RNF8: variants seen among roughly 807,000 people sequenced by gnomAD.
The protein encoded by RNF8 is E3 ubiquitin-protein ligase RNF8.
RNF8 carries 8 observed loss-of-function variants against 59.3 expected under a neutral mutation model. The observed-to-expected ratio is 0.13, with a 90% CI of 0.08 to 0.24. The LOEUF (loss-of-function observed/expected upper bound fraction) is 0.24. Ranked by LOEUF, RNF8 falls within the 10% of genes least tolerant of loss-of-function variation. The pLI, the probability that RNF8 is intolerant of heterozygous loss-of-function variation, is 1.00. For missense variants in RNF8, 406 were observed against 572.6 expected (o/e 0.71, Z 2.97); for synonymous variants, 162 against 200.0 (o/e 0.81, Z 1.60).
At chr6:37,389,944 G>A (rs1267934392) in intron 7 of RNF8, among the ~76,000 whole-genome samples, 2 of 152,218 alleles carry the variant, frequency 1.3e-5, no homozygotes, top group Admixed American at 1.3e-4. Flanking sequence ...AAGCATTCCA[G>A]AATTCAGTCT....
chr6:37,365,271 C>A (rs140892828), intron 2 of RNF8, among the ~76,000 whole-genome samples: 3 of 152,146 alleles, frequency 2.0e-5, no homozygotes, highest in Non-Finnish European at 4.4e-5. Context: ...TAATAAGATT[C>A]CATTTGTATT....
At chr6:37,384,434 G>A (rs1015286384) in intron 7 of RNF8, among the ~76,000 whole-genome samples, 5 of 152,162 alleles carry the variant, frequency 3.3e-5, no homozygotes, top group African/African-American at 7.2e-5. Context: ...GAGCCACTGC[G>A]CCTGGCCCCT....
chr6:37,360,695 C>CA lies in RNF8; in HGVS notation c.240+122dup. On this transcript the variant is annotated intron_variant, in intron 2 of 7. Transcript: ENST00000373479. The surrounding 1 kb of genome is among the most constrained non-coding windows in gnomAD (Gnocchi z 4.2). ...TATAACTTCTTCTTTCCTAGCCATC[C>CA]AGTTCCCTTTTCCAGAGGCAGCCAC... 1.0e-6 allele frequency: 1 copy of CA among 1,004,854 alleles called. No individual in the cohort carries two copies. The highest frequency in any genetic ancestry group is 1.8e-5 in the South Asian group (1 of 54,482). The allele number at this position is 1,004,854 out of a possible 1,614,324, so 62.2% of individuals were successfully genotyped here. A position where few individuals can be genotyped will look rare whatever the true frequency, so the allele number is the denominator to read the frequency against.
intron 1 of RNF8, among the ~76,000 whole-genome samples, chr6:37,355,458 G>A (rs919370492): frequency 3.9e-5 from 6 of 152,104 alleles, no homozygotes; most frequent in African/African-American, 1.4e-4. Context: ...AAATTTCTGC[G>A]CTCGAAGAGT....
chr6:37,386,165 C>A (rs1057274450), intron 7 of RNF8, among the ~76,000 whole-genome samples: 5 of 146,918 alleles, frequency 3.4e-5, no homozygotes, highest in Admixed American at 2.0e-4. Context: ...CTCTTATTGG[C>A]ACCTCAGAAT....
intron 3 of RNF8, chr6:37,370,288 G>A (rs1769750766): frequency 6.6e-6 from 1 of 152,180 alleles, no homozygotes; most frequent in South Asian, 2.1e-4. Flanking sequence ...AGTATACACT[G>A]CTTACTTATG....
chr6:37,376,985 G>A lies in RNF8; in HGVS notation c.1188G>A (p.Val396=). 1 of 1,607,772 alleles carries A rather than the reference G, an allele frequency of 6.2e-7. No individual in the cohort carries two copies. Among genetic ancestry groups the A allele is most frequent in the Non-Finnish European group, 8.5e-7 (1 of 1,176,128 alleles). ...AAGTTCTTAGCCACATGAATGATGT[G>A]CTAGAGAATGAGCTCCAATGTATTA... is the stretch of plus-strand genomic sequence containing the variant. ...KEEVLSHMND[V]LENELQCIIC... Residue 396 remains valine (V), a synonymous_variant, in exon 6 of 8, where the codon GTG becomes GTA. Coordinates refer to ENST00000373479, the MANE Select transcript of RNF8 (RefSeq NM_003958.4).
chr6:37,376,885 G>A (rs1178053113), intron 5 of RNF8, 41 bp from the exon 6 acceptor site: 1 of 1,455,180 alleles, frequency 6.9e-7, no homozygotes, highest in African/African-American at 1.4e-5. Flanking sequence ...TTGCATTTTT[G>A]TTGGTTCTCT....
In RNF8 at chr6:37,372,796, C is replaced by T. The variant is rs189913384; in HGVS notation, c.1038+1222C>T. Among the ~76,000 whole-genome samples, 7 of 152,270 alleles carry T rather than the reference C, an allele frequency of 4.6e-5. No individual in the cohort carries two copies. In the East Asian group the frequency reaches 1.4e-3, roughly 29 times the overall value. The stretch of plus-strand genomic sequence containing the variant: ...ACCAGCCTGACCAACATGGAGAAAC[C>T]CTGTCTCTACTAAAAATACAAAATT... On this transcript the variant is annotated intron_variant, in intron 4 of 7. Transcript: ENST00000373479.
At chr6:37,368,249 G>A in intron 2 of RNF8, 1 of 781,974 alleles carries the variant, frequency 1.3e-6, no homozygotes, top group Non-Finnish European at 2.0e-6. Context: ...GGTGATTCCT[G>A]CCTGTTATAT....
chr6:37,380,620 G>A (rs1240736670), intron 6 of RNF8, among the ~76,000 whole-genome samples: 3 of 149,794 alleles, frequency 2.0e-5, no homozygotes, highest in Non-Finnish European at 4.4e-5. Flanking sequence ...GCAGTGAGCC[G>A]AGATCGCGCC....
chr6:37,370,777 G>T (rs1464053718), intron 3 of RNF8, among the ~76,000 whole-genome samples: 1 of 151,342 alleles, frequency 6.6e-6, no homozygotes, highest in Non-Finnish European at 1.5e-5. Context: ...TTACCAAATG[G>T]TTTTTGCCAT....
chr6:37,375,083 T>C (rs77521803), intron 5 of RNF8, among the ~76,000 whole-genome samples: 1,588 of 152,342 alleles, frequency 0.01, 11 homozygotes, highest in Non-Finnish European at 0.017. Context: ...TTAATGCAGT[T>C]TCTTCCCATG....
rs571687454 is a variant in RNF8 at position 37,390,949 on chromosome 6, G to A, written c.*191G>A. The A allele has an allele frequency of 2.1e-5, 18 of 857,528 alleles. No individual in the cohort carries two copies. The South Asian group carries it at 2.3e-4, about 11-fold the overall frequency. The allele number at this position is 857,528 out of a possible 1,614,324, so 53.1% of individuals were successfully genotyped here. A position where few individuals can be genotyped will look rare whatever the true frequency, so the allele number is the denominator to read the frequency against. On this transcript the variant is annotated 3_prime_UTR_variant, in exon 8 of 8. Transcript: ENST00000373479. ...GCCAGCCCTGCTGCCATCATTGGCT[G>A]AAGCACCACCAGGATTCACGGCACC...
At chr6:37,381,460 C>G in intron 7 of RNF8, 106 bp downstream of exon 7, 1 of 961,526 alleles carries the variant, frequency 1.0e-6, no homozygotes, top group East Asian at 2.5e-5. Flanking sequence ...AATTCTTGAA[C>G]TAGGGAAGAG....
At chr6:37,386,694 T>A (rs1313407603) in intron 7 of RNF8, among the ~76,000 whole-genome samples, 10 of 152,128 alleles carry the variant, frequency 6.6e-5, no homozygotes, top group Non-Finnish European at 1.3e-4. Context: ...CTGGCCATGG[T>A]GGGATCCCAT....
intron 2 of RNF8, among the ~76,000 whole-genome samples, chr6:37,363,227 C>G (rs1367166798): frequency 1.3e-5 from 2 of 152,166 alleles, no homozygotes; most frequent in African/African-American, 4.8e-5. Context: ...TTCTGGTCCT[C>G]CAGCAACTAG....
chr6:37,380,439 G>A (rs985351524), intron 6 of RNF8, among the ~76,000 whole-genome samples: 1 of 152,034 alleles, frequency 6.6e-6, no homozygotes. Flanking sequence ...GGGAGGCCGA[G>A]GCGGGCAGAT....
At chr6:37,363,754 C>T (rs186413392) in intron 2 of RNF8, among the ~76,000 whole-genome samples, 10 of 152,212 alleles carry the variant, frequency 6.6e-5, no homozygotes, top group East Asian at 1.9e-4. Flanking sequence ...TTTCACTCCC[C>T]GGGAAACAGC....
Sources: allele counts gnomAD v4.1 joint callset (sites outside exome capture counted in the v4.1 genomes callset), GRCh38; gene constraint gnomAD v4.1.1; non-coding constraint Gnocchi (gnomAD v3.1); transcripts MANE v1.5; gene names NCBI Gene and HGNC (gene_info 2026-07-23, HGNC 2026-07-21).